UNC80: variants seen among roughly 807,000 people sequenced by gnomAD.
The protein encoded by UNC80 is unc-80 subunit of NALCN channel complex.
UNC80 carries 164 observed loss-of-function variants against 384.6 expected under a neutral mutation model. That is an observed-to-expected ratio of 0.43 (90% CI 0.38 to 0.49). UNC80 has a LOEUF of 0.49. Among genes scored for constraint, UNC80 ranks in the 20% least tolerant of loss-of-function variants. The probability of loss-of-function intolerance (pLI) is 0.00; values close to 1 mark genes in which losing one functional copy is unlikely to be tolerated. For missense variants in UNC80, 3,330 were observed against 4,143.0 expected, an observed-to-expected ratio of 0.80 and a Z score of 5.39; for synonymous variants, 1,486 against 1,527.8, an observed-to-expected ratio of 0.97 and a Z score of 0.64.
intron 47 of UNC80, among the ~76,000 whole-genome samples, chr2:209,948,570 T>C (rs1048048984): frequency 3.9e-5 from 6 of 152,188 alleles, no homozygotes; most frequent in African/African-American, 1.4e-4. Flanking sequence ...TGTTTTCTAT[T>C]TAATTAATTA....
chr2:209,965,950 A>T (rs79572154), intron 51 of UNC80, among the ~76,000 whole-genome samples: 7 of 151,424 alleles, frequency 4.6e-5, no homozygotes, highest in Admixed American at 6.6e-5. Context: ...AAAAAAAAAA[A>T]ATCTTATTTT....
intron 7 of UNC80, chr2:209,795,952 G>A (rs2078126741): frequency 6.6e-6 from 1 of 152,310 alleles, no homozygotes; most frequent in Non-Finnish European, 1.5e-5. Context: ...GCTGCCAGGT[G>A]GAGCTGTGAG....
intron 5 of UNC80, 35 bp downstream of exon 5, chr2:209,786,224 G>T (rs769884343): frequency 6.2e-7 from 1 of 1,601,292 alleles, no homozygotes; most frequent in South Asian, 1.1e-5. Flanking sequence ...GACAGTATTA[G>T]CAGATTCCCT....
intron 21 of UNC80, among the ~76,000 whole-genome samples, chr2:209,848,423 T>C (rs1173679372): frequency 6.6e-6 from 1 of 152,150 alleles, no homozygotes; most frequent in Non-Finnish European, 1.5e-5. Flanking sequence ...TCAATAATGA[T>C]ACTTTATCTT....
intron 7 of UNC80, among the ~76,000 whole-genome samples, chr2:209,797,132 T>C (rs1342060903): frequency 6.6e-6 from 1 of 152,222 alleles, no homozygotes; most frequent in Non-Finnish European, 1.5e-5. Context: ...TTTATCCACA[T>C]TATAGCATGT....
Position 209,777,478 on chromosome 2 carries a change from C to G in UNC80, c.519C>G (p.Asn173Lys). ...QSSSNDEEEN[N>K]RRKIFQNSMA... ...GCTCTAATGACGAAGAAGAGAACAA[C>G]CGAAGAAAGATCTTCCAGAACTCCA... Residue 173 changes from asparagine to lysine, a missense_variant, in exon 4 of 65, where the codon AAC (asparagine) becomes AAG (lysine). By Grantham distance (94) the Asn-to-Lys change is moderately conservative. Coordinates refer to ENST00000673920, the MANE Select transcript of UNC80 (RefSeq NM_001371986.1). 2.5e-6 allele frequency: 4 copies of G among 1,614,186 alleles called. No individual in the cohort carries two copies. The African/African-American group carries it at 4.0e-5, about 16-fold the overall frequency.
At chr2:209,787,900 T>C (rs1356035522) in intron 5 of UNC80, among the ~76,000 whole-genome samples, 1 of 152,204 alleles carries the variant, frequency 6.6e-6, no homozygotes, top group Non-Finnish European at 1.5e-5. Flanking sequence ...TTTTAGGAGA[T>C]GTTCCAGAAG....
chr2:209,970,993 G>A, intron 54 of UNC80, 36 bp downstream of exon 54: 1 of 1,537,190 alleles, frequency 6.5e-7, no homozygotes, highest in Non-Finnish European at 8.8e-7. Flanking sequence ...CGCTCATTAA[G>A]TTGCTGGTTG....
At chr2:209,898,481 T>A (rs950119686) in intron 28 of UNC80, among the ~76,000 whole-genome samples, 13 of 152,242 alleles carry the variant, frequency 8.5e-5, no homozygotes, top group South Asian at 2.1e-4. Context: ...TTAAAAAAAA[T>A]TATTTTTAAT....
chr2:209,835,398 G>A (rs1488886603), intron 18 of UNC80, among the ~76,000 whole-genome samples: 4 of 152,130 alleles, frequency 2.6e-5, no homozygotes, highest in African/African-American at 9.7e-5. Flanking sequence ...ACTTAATGAA[G>A]CTTTTCCCAA....
intron 36 of UNC80, among the ~76,000 whole-genome samples, chr2:209,927,417 C>T (rs1379893166): frequency 1.3e-5 from 2 of 152,130 alleles, no homozygotes; most frequent in African/African-American, 2.4e-5. Context: ...AGATGAGTAA[C>T]ATTTGTGACA....
In UNC80 at chr2:209,790,615, A is replaced by G. The variant is rs566306648; in HGVS notation, c.798+1010A>G. Among the ~76,000 whole-genome samples, 3 of 152,300 alleles carry G rather than the reference A, an allele frequency of 2.0e-5. No homozygotes were observed. In the South Asian group the frequency reaches 6.2e-4, roughly 32 times the overall value. ...CATCTAAATTTGCATCATCAGGGTC[A>G]GTGGATTATAAGCATATGTCAGAGG... On this transcript the variant is annotated intron_variant, in intron 6 of 64. Coordinates refer to ENST00000673920, the MANE Select transcript of UNC80 (RefSeq NM_001371986.1).
intron 14 of UNC80, among the ~76,000 whole-genome samples, chr2:209,828,009 G>A: frequency 6.6e-6 from 1 of 152,136 alleles, no homozygotes; most frequent in Middle Eastern, 3.2e-3. Flanking sequence ...TTTAAAGTTT[G>A]ATATTCTTAG....
chr2:209,841,766 A>C (rs1217018785), intron 20 of UNC80, among the ~76,000 whole-genome samples: 1 of 152,086 alleles, frequency 6.6e-6, no homozygotes, highest in African/African-American at 2.4e-5. Context: ...CTTACCTTCT[A>C]TTTGCTAAAA....
chr2:209,793,966 A>G (rs1192767391), intron 7 of UNC80, 107 bp downstream of exon 7: 1 of 1,316,410 alleles, frequency 7.6e-7, no homozygotes. Context: ...ATGTATTTGC[A>G]TAATATGTGT....
chr2:209,858,568 C>G (rs1352213918), intron 22 of UNC80, among the ~76,000 whole-genome samples: 2 of 151,870 alleles, frequency 1.3e-5, no homozygotes, highest in African/African-American at 4.8e-5. Flanking sequence ...ATTAGCCATG[C>G]CTGTAATCCC....
chr2:209,821,344 G>T (rs964162375), intron 13 of UNC80, among the ~76,000 whole-genome samples: 1 of 152,092 alleles, frequency 6.6e-6, no homozygotes, highest in African/African-American at 2.4e-5. Context: ...ACCTCCCAAA[G>T]ACCCATCTTC....
At chr2:209,985,516 A>T (rs2085109748) in intron 61 of UNC80, among the ~76,000 whole-genome samples, 2 of 152,220 alleles carry the variant, frequency 1.3e-5, no homozygotes, top group Non-Finnish European at 2.9e-5. Flanking sequence ...TGACTCCAAA[A>T]CTTGCATGAA....
intron 29 of UNC80, among the ~76,000 whole-genome samples, chr2:209,907,350 C>G (rs1385990142): frequency 6.7e-6 from 1 of 149,878 alleles, no homozygotes. Context: ...TAATCTAGTC[C>G]AAGACAGACA....
Sources: allele counts gnomAD v4.1 joint callset (sites outside exome capture counted in the v4.1 genomes callset), GRCh38; gene constraint gnomAD v4.1.1; transcripts MANE v1.5; gene names NCBI Gene and HGNC (gene_info 2026-07-23, HGNC 2026-07-21).